Variants in LETMD1 observed in about 807,000 individuals in gnomAD.
LETMD1 encodes LETM1 domain containing 1.
A neutral mutation model predicts 43.9 loss-of-function variants in LETMD1; 30 were observed. That is an observed-to-expected ratio of 0.68 (90% CI 0.51 to 0.93). The LOEUF is 0.93. LETMD1 is among the 40% of genes least tolerant of loss of function. LETMD1 has a pLI of 0.00. For missense variants in LETMD1, 413 were observed against 447.7 expected, an observed-to-expected ratio of 0.92 and a Z score of 0.70; for synonymous variants, 176 against 163.1, an observed-to-expected ratio of 1.08 and a Z score of -0.60.
At chr12:51,060,825 C>T (rs1948794420), downstream of LETMD1, among the ~76,000 whole-genome samples, 1 of 150,448 alleles carries the variant, frequency 6.6e-6, no homozygotes, top group African/African-American at 2.5e-5. Flanking sequence ...TGGCGTGAAC[C>T]CGGGAGGCGG....
chr12:51,064,591 T>A (rs560057159), downstream of LETMD1: 1 of 1,595,060 alleles, frequency 6.3e-7, no homozygotes, highest in South Asian at 1.1e-5. Context: ...CGGACCCGGA[T>A]TGGATTAAAT....
the LETMD1 span, among the ~76,000 whole-genome samples, chr12:51,066,794 G>GT: frequency 6.6e-6 from 1 of 152,160 alleles, no homozygotes; most frequent in Non-Finnish European, 1.5e-5. Context: ...TGAACAATAA[G>GT]TGTTTGCAGA....
the LETMD1 span, among the ~76,000 whole-genome samples, chr12:51,066,111 G>A: frequency 6.6e-6 from 1 of 151,924 alleles, no homozygotes; most frequent in Non-Finnish European, 1.5e-5. Flanking sequence ...CCTGAGGTCA[G>A]GCGTTTGAGA....
chr12:51,067,627 G>A, the LETMD1 span: 19 of 1,573,240 alleles, frequency 1.2e-5, no homozygotes, highest in African/African-American at 6.7e-5. This position sits in a 1 kb window ranked among gnomAD's most constrained non-coding sequence, Gnocchi z 4.1. Context: ...ACCTCACCCC[G>A]CTGACCCTGG....
chr12:51,059,716 G>T lies in LETMD1; in HGVS notation c.*285G>T. 1 of 429,992 alleles carries T rather than the reference G, an allele frequency of 2.3e-6. No homozygotes were observed. The highest frequency in any genetic ancestry group is 3.5e-5 in the Admixed American group (1 of 28,870). The allele number at this position is 429,992 out of a possible 1,614,324, so 26.6% of individuals were successfully genotyped here. On this transcript the variant is annotated 3_prime_UTR_variant, in exon 9 of 9. Transcript: ENST00000262055. Reference sequence around the variant, plus strand: ...TGGAACTGGCAGCAGCCTCTACTGGGCTTTTACTGTGATGTGTTCAGTTCA... The same window carrying T: ...TGGAACTGGCAGCAGCCTCTACTGGTCTTTTACTGTGATGTGTTCAGTTCA...
chr12:51,064,675 C>T (rs758047907), downstream of LETMD1: 15 of 1,506,034 alleles, frequency 1.0e-5, no homozygotes, highest in African/African-American at 1.4e-5. Flanking sequence ...TCCACCTGAG[C>T]GGGGACAAGA....
chr12:51,052,248 T>C (rs1235619166), intron 3 of LETMD1, 41 bp downstream of exon 3: 10 of 1,605,348 alleles, frequency 6.2e-6, no homozygotes, highest in Non-Finnish European at 6.8e-6. Context: ...CATGGTGAGG[T>C]AATTACATTT....
At chr12:51,066,205 A>G in the LETMD1 span, among the ~76,000 whole-genome samples, 6 of 152,206 alleles carry the variant, frequency 3.9e-5, no homozygotes. Context: ...CTGTAATCCC[A>G]GCACTTTGGG....
At chr12:51,063,829 C>G, downstream of LETMD1, 2 of 1,613,550 alleles carry the variant, frequency 1.2e-6, no homozygotes, top group Non-Finnish European at 1.7e-6. Context: ...ATCCCACAGC[C>G]CTCTTCATTG....
At chr12:51,061,112 T>C (rs1366718311), downstream of LETMD1, 1 of 152,156 alleles carries the variant, frequency 6.6e-6, no homozygotes, top group Non-Finnish European at 1.5e-5. Flanking sequence ...AATTCCTAAC[T>C]GACCTAATTA....
downstream of LETMD1, chr12:51,064,025 G>A: frequency 6.2e-7 from 1 of 1,614,242 alleles, no homozygotes; most frequent in Non-Finnish European, 8.5e-7. Context: ...GGAGAGAGAA[G>A]ACATTCAGAT....
At chr12:51,054,729 T>G (rs1947144109) in intron 4 of LETMD1, among the ~76,000 whole-genome samples, 1 of 152,214 alleles carries the variant, frequency 6.6e-6, no homozygotes, top group Non-Finnish European at 1.5e-5. Context: ...GATGTAGACC[T>G]CAGCTCTCCA....
At chr12:51,058,316 G>A in intron 8 of LETMD1, 188 bp downstream of exon 8, 1 of 604,266 alleles carries the variant, frequency 1.7e-6, no homozygotes, top group Admixed American at 2.8e-5. Context: ...AGACAAGAGG[G>A]AGTAGTGGGG....
intron 5 of LETMD1, 57 bp from the exon 6 acceptor site, chr12:51,056,087 G>A: frequency 6.2e-7 from 1 of 1,608,210 alleles, no homozygotes; most frequent in South Asian, 1.1e-5. Flanking sequence ...CACTAAACTA[G>A]GTAAGAGGAG....
Position 51,056,182 on chromosome 12 carries a change from G to A in LETMD1, c.699G>A (p.Leu233=). Residue 233 remains leucine, a synonymous_variant, in exon 6 of 9, where the codon TTG becomes TTA. Coordinates refer to ENST00000262055, the MANE Select transcript of LETMD1 (RefSeq NM_015416.5). ...RGTHPAIHDI[L]ALRECFSNHP... is the part of the protein sequence containing the mutation. ...CCCACCCAGCAATACATGATATCTT[G>A]GCTCTGAGAGAGTGTTTCTCTAACC... 1.9e-6 allele frequency: 3 copies of A among 1,614,216 alleles called. No homozygotes were observed. The highest frequency in any genetic ancestry group is 2.5e-6 in the Non-Finnish European group (3 of 1,180,050).
chr12:51,056,650 A>T (rs1592677510), intron 7 of LETMD1, 148 bp downstream of exon 7: 1 of 621,234 alleles, frequency 1.6e-6, no homozygotes, highest in Non-Finnish European at 2.7e-6. Context: ...TTTATGATTT[A>T]TTTTTATTTA....
rs778482016 is a variant in LETMD1, at chr12:51,048,347, C to G, written c.-10C>G. 2 of 1,614,094 alleles carry G rather than the reference C, an allele frequency of 1.2e-6. No homozygotes were observed. Among genetic ancestry groups the G allele is most frequent in the South Asian group, 2.2e-5 (2 of 91,074 alleles). ...ACAACCTCTTCTCTCCCGCTTCTCT[C>G]GCTGTGAAGATGGCGCTCTCCAGGG... is the stretch of plus-strand genomic sequence containing the variant. On this transcript the variant is annotated 5_prime_UTR_variant, in exon 1 of 9. Coordinates refer to ENST00000262055, the MANE Select transcript of LETMD1 (RefSeq NM_015416.5).
At chr12:51,064,041 T>C (rs1328139369), downstream of LETMD1, 1 of 1,614,234 alleles carries the variant, frequency 6.2e-7, no homozygotes, top group Non-Finnish European at 8.5e-7. Context: ...CAGATCCTTC[T>C]CCTTTGGGAA....
In LETMD1 at chr12:51,056,250, G is replaced by T. The variant is rs1303505982; in HGVS notation, c.762+5G>T. Reference sequence around the variant, plus strand: ...CAACTCCAGGCTTTGCACGTGGTGAGCACTTTGAGGGCTTCTCTTTTCCAT... The same window carrying T: ...CAACTCCAGGCTTTGCACGTGGTGATCACTTTGAGGGCTTCTCTTTTCCAT... On this transcript the variant is annotated splice_donor_5th_base_variant and intron_variant, in intron 6 of 8. Coordinates refer to ENST00000262055, the MANE Select transcript of LETMD1 (RefSeq NM_015416.5). The T allele has an allele frequency of 6.2e-7, 1 of 1,614,068 alleles. No individual in the cohort carries two copies. The highest frequency in any genetic ancestry group is 1.1e-5 in the South Asian group (1 of 91,086).
Sources: gnomAD v4.1 joint callset for allele counts (sites outside exome capture counted in the v4.1 genomes callset) on GRCh38, gnomAD v4.1.1 for gene constraint, Gnocchi (gnomAD v3.1) non-coding constraint, MANE v1.5 for transcripts, NCBI Gene and HGNC (gene_info 2026-07-23, HGNC 2026-07-21) for gene names.